KCND2: variants seen among roughly 807,000 people sequenced by gnomAD.
The protein encoded by KCND2 is A-type voltage-gated potassium channel KCND2.
In KCND2, 16 loss-of-function variants were observed where a neutral mutation model predicts 54.4. That is an observed-to-expected ratio of 0.29 (90% CI 0.20 to 0.45). The LOEUF is 0.45. Ranked by LOEUF, KCND2 falls within the 20% of genes least tolerant of loss-of-function variation. KCND2 has a pLI of 1.00. For synonymous variants in KCND2, 317 were observed against 310.7 expected (o/e 1.02, Z -0.21); for missense variants, 486 against 824.2 (o/e 0.59, Z 5.02).
At chr7:120,662,297 A>G (rs537689150) in intron 1 of KCND2, among the ~76,000 whole-genome samples, 1 of 152,362 alleles carries the variant, frequency 6.6e-6, no homozygotes, top group African/African-American at 2.4e-5. Context: ...AATAAGCACT[A>G]TAATCTTCTC....
intron 1 of KCND2, among the ~76,000 whole-genome samples, chr7:120,350,010 T>G (rs1455794609): frequency 1.3e-5 from 2 of 152,066 alleles, no homozygotes; most frequent in African/African-American, 4.8e-5. Context: ...TGTGTCTATG[T>G]TATTTATTGG....
chr7:120,739,118 G>A (rs1792909484), intron 2 of KCND2, among the ~76,000 whole-genome samples: 1 of 152,012 alleles, frequency 6.6e-6, no homozygotes, highest in Non-Finnish European at 1.5e-5. Context: ...TATATGATGA[G>A]AAATATATGT....
At chr7:120,731,887 A>G (rs184617276) in intron 1 of KCND2, among the ~76,000 whole-genome samples, 6 of 152,312 alleles carry the variant, frequency 3.9e-5, no homozygotes, top group African/African-American at 1.4e-4. Context: ...GGTGGTGATT[A>G]TGTTTAATTA....
chr7:120,280,141 A>G (rs958467056), intron 1 of KCND2, among the ~76,000 whole-genome samples: 2 of 152,094 alleles, frequency 1.3e-5, no homozygotes, highest in African/African-American at 2.4e-5. Context: ...TTATTTTGAC[A>G]TACTATGACA....
chr7:120,716,913 T>A (rs1792610193), intron 1 of KCND2, among the ~76,000 whole-genome samples: 1 of 152,124 alleles, frequency 6.6e-6, no homozygotes. Flanking sequence ...AGGATGGTAC[T>A]GAACTCAATA....
chr7:120,413,505 A>G (rs1384847092), intron 1 of KCND2, among the ~76,000 whole-genome samples: 1 of 152,048 alleles, frequency 6.6e-6, no homozygotes, highest in Admixed American at 6.6e-5. Context: ...ATATGTACAT[A>G]TGCATACATA....
chr7:120,508,472 A>G (rs992262082), intron 1 of KCND2, among the ~76,000 whole-genome samples: 3 of 152,006 alleles, frequency 2.0e-5, no homozygotes, highest in Admixed American at 6.6e-5. Flanking sequence ...AGCTGTAGAT[A>G]TAATTCTCCC....
At chr7:120,402,856 A>G (rs1273720974) in intron 1 of KCND2, among the ~76,000 whole-genome samples, 1 of 152,202 alleles carries the variant, frequency 6.6e-6, no homozygotes, top group Non-Finnish European at 1.5e-5. Flanking sequence ...CTTAATGAAG[A>G]TTAAACATCT....
intron 1 of KCND2, among the ~76,000 whole-genome samples, chr7:120,356,905 G>A (rs776280112): frequency 1.3e-5 from 2 of 152,032 alleles, no homozygotes; most frequent in African/African-American, 2.4e-5. Flanking sequence ...GCGTTACTGG[G>A]GTTGCGGGAG....
At chr7:120,594,952 G>T (rs929732782) in intron 1 of KCND2, among the ~76,000 whole-genome samples, 4 of 151,680 alleles carry the variant, frequency 2.6e-5, no homozygotes, top group African/African-American at 4.8e-5. Flanking sequence ...CCCGGGAGGC[G>T]GAGGTTGCAG....
At chr7:120,284,478 G>A (rs961726146) in intron 1 of KCND2, among the ~76,000 whole-genome samples, 1 of 152,068 alleles carries the variant, frequency 6.6e-6, no homozygotes, top group African/African-American at 2.4e-5. Context: ...ATCAAATGAG[G>A]TGTTTTTGTA....
At chr7:120,337,036 AT>A (rs1199301442) in intron 1 of KCND2, among the ~76,000 whole-genome samples, 1 of 152,094 alleles carries the variant, frequency 6.6e-6, no homozygotes, top group Admixed American at 6.5e-5. Context: ...GAAAATTCAT[AT>A]GACAAGTAAA....
chr7:120,643,839 A>T (rs186274389), intron 1 of KCND2, among the ~76,000 whole-genome samples: 1 of 151,630 alleles, frequency 6.6e-6, no homozygotes, highest in Non-Finnish European at 1.5e-5. Flanking sequence ...TAGGATGTTT[A>T]CATGACATAT....
At chr7:120,577,635 G>C (rs1005491643) in intron 1 of KCND2, among the ~76,000 whole-genome samples, 1 of 152,190 alleles carries the variant, frequency 6.6e-6, no homozygotes, top group Non-Finnish European at 1.5e-5. Flanking sequence ...ACCCAGGCTG[G>C]AGTGCAGTGG....
chr7:120,481,706 C>T (rs1802610652), intron 1 of KCND2, among the ~76,000 whole-genome samples: 1 of 152,142 alleles, frequency 6.6e-6, no homozygotes, highest in Non-Finnish European at 1.5e-5. Context: ...TTTTAGCTTC[C>T]TCATCTTTGA....
At chr7:120,671,732 A>G (rs1247459944) in intron 1 of KCND2, among the ~76,000 whole-genome samples, 2 of 151,966 alleles carry the variant, frequency 1.3e-5, no homozygotes, top group East Asian at 1.9e-4. Context: ...CTTATATCCA[A>G]TGGTGCACCC....
rs748236416 is a variant in KCND2, at chr7:120,275,263, T to A, written c.631T>A (p.Ser211Thr). 3.7e-6 allele frequency: 6 copies of A among 1,613,768 alleles called. No individual in the cohort carries two copies. Among genetic ancestry groups the A allele is most frequent in the Non-Finnish European group, 5.1e-6 (6 of 1,179,994 alleles). The change falls in exon 1 of 6, where the codon TCA becomes ACA. Residue 211 changes from serine to threonine, a missense_variant. Around this residue, in one of 7 missense-constraint regions of KCND2, gnomAD observed 231 missense variants for 386.0 expected, o/e 0.60. Transcript: ENST00000331113. ...TGTGGTGGAAACAGTGCCGTGCGGA[T>A]CAAGCCCAGGTCACATTAAAGAACT... is the stretch of plus-strand genomic sequence containing the variant. ...ANVVETVPCG[S>T]SPGHIKELPC...
chr7:120,274,606 C>G lies in KCND2; in HGVS notation c.-27C>G, dbSNP rs752967201. 6.2e-7 allele frequency: 1 copy of G among 1,614,016 alleles called. No homozygotes were observed. The highest frequency in any genetic ancestry group is 8.5e-7 in the Non-Finnish European group (1 of 1,180,022). On this transcript the variant is annotated 5_prime_UTR_variant, in exon 1 of 6. Coordinates refer to ENST00000331113, the MANE Select transcript of KCND2 (RefSeq NM_012281.3). Reference sequence around the variant, plus strand: ...GTGACCCATTGTAGACGCCTCGTTACCCTTCTTCCTTCCGCTTCAAGTAAT... The same window carrying G: ...GTGACCCATTGTAGACGCCTCGTTAGCCTTCTTCCTTCCGCTTCAAGTAAT...
chr7:120,539,637 A>C (rs1407307911), intron 1 of KCND2, among the ~76,000 whole-genome samples: 1 of 152,224 alleles, frequency 6.6e-6, no homozygotes, highest in African/African-American at 2.4e-5. Context: ...ATTTTAAAAA[A>C]GAAATTTATT....
Sources: gnomAD v4.1 joint callset for allele counts (sites outside exome capture counted in the v4.1 genomes callset) on GRCh38, gnomAD v4.1.1 for gene constraint, gnomAD v4.1.1 regional missense constraint, MANE v1.5 for transcripts, NCBI Gene and HGNC (gene_info 2026-07-23, HGNC 2026-07-21) for gene names.